Variants in NLRP5 observed in about 807,000 individuals in gnomAD.
NLRP5 encodes the protein NACHT, LRR and PYD domains-containing protein 5.
A neutral mutation model predicts 113.1 loss-of-function variants in NLRP5; 93 were observed. The observed-to-expected ratio is 0.82, with a 90% CI of 0.70 to 0.98. The LOEUF is 0.98. Among genes scored for constraint, NLRP5 ranks in the 50% least tolerant of loss-of-function variants. NLRP5 has a pLI of 0.00. For missense variants in NLRP5, 1,808 were observed against 1,514.3 expected, an observed-to-expected ratio of 1.19 and a Z score of -3.22; for synonymous variants, 751 against 600.7, an observed-to-expected ratio of 1.25 and a Z score of -3.66.
Position 56,027,557 on chromosome 19 carries a change from C to T in NLRP5, c.1324C>T (p.Leu442Phe). The change falls in exon 7 of 15, where the codon CTT (leucine) becomes TTT (phenylalanine). Residue 442 changes from leucine (L) to phenylalanine (F), a missense_variant. Physicochemically the swap from Leu to Phe is conservative, Grantham distance 22. Transcript: ENST00000390649. ...CGGGGAACAAAGAATCCACTTGCTC[C>T]TTGAGCGCGGGATTGGTGAGCATCA... 1.2e-6 allele frequency: 2 copies of T among 1,613,998 alleles called. No homozygotes were observed. The highest frequency in any genetic ancestry group is 1.7e-6 in the Non-Finnish European group (2 of 1,179,894).
chr19:56,009,808 C>T (rs1028544946), intron 3 of NLRP5, among the ~76,000 whole-genome samples: 40 of 152,250 alleles, frequency 2.6e-4, no homozygotes, highest in African/African-American at 8.2e-4. Context: ...AAGCCAACCT[C>T]GTTTTGATGG....
At chr19:55,989,130 T>C in the NLRP5 span, among the ~76,000 whole-genome samples, 1 of 152,318 alleles carries the variant, frequency 6.6e-6, no homozygotes, top group East Asian at 1.9e-4. Flanking sequence ...GTGTACCTAG[T>C]TTTTTGGTCT....
In NLRP5 at chr19:56,020,414, C is replaced by T. The variant is rs1982570714; in HGVS notation, c.662C>T (p.Ala221Val). 1 of 1,613,512 alleles carries T rather than the reference C, an allele frequency of 6.2e-7. No individual in the cohort carries two copies. Among genetic ancestry groups the T allele is most frequent in the Non-Finnish European group, 8.5e-7 (1 of 1,179,792 alleles). The change falls in exon 6 of 15, where the codon GCA becomes GTA. Residue 221 changes from alanine (A) to valine (V), a missense_variant. Physicochemically the swap from Ala to Val is moderately conservative, Grantham distance 64. Transcript: ENST00000390649. ...ATGGAACAAGAAGGTGCCACAGCAG[C>T]AGAGACAGAAGAACAAGGTGAGGAA...
intron 11 of NLRP5, among the ~76,000 whole-genome samples, chr19:56,044,904 C>A (rs897368222): frequency 4.6e-5 from 7 of 152,094 alleles, no homozygotes; most frequent in African/African-American, 1.7e-4. Context: ...TGTAGTTTTC[C>A]TTGTAGAGGT....
chr19:56,005,374 T>C (rs897075703), intron 2 of NLRP5, among the ~76,000 whole-genome samples: 7 of 147,870 alleles, frequency 4.7e-5, no homozygotes, highest in Middle Eastern at 3.6e-3. Flanking sequence ...TACACACATA[T>C]ATATTTATAT....
chr19:56,016,118 C>G (rs1387021510), intron 4 of NLRP5, among the ~76,000 whole-genome samples: 1 of 152,174 alleles, frequency 6.6e-6, no homozygotes, highest in Non-Finnish European at 1.5e-5. Context: ...TATCCATCAC[C>G]TCAAATATTC....
chr19:56,036,705 C>T (rs1319297073), intron 9 of NLRP5, among the ~76,000 whole-genome samples: 1 of 152,126 alleles, frequency 6.6e-6, no homozygotes, highest in Non-Finnish European at 1.5e-5. Flanking sequence ...GCCTGTCATC[C>T]CAGAACTCTG....
At chr19:56,040,800 T>C (rs986868011) in intron 10 of NLRP5, 122 bp from the exon 11 acceptor site, 1 of 762,156 alleles carries the variant, frequency 1.3e-6, no homozygotes, top group Non-Finnish European at 2.1e-6. Context: ...GACTTCACCA[T>C]ATGTCTGCAA....
At chr19:56,029,114 G>T (rs1291559147) in intron 7 of NLRP5, among the ~76,000 whole-genome samples, 1 of 152,002 alleles carries the variant, frequency 6.6e-6, no homozygotes, top group East Asian at 1.9e-4. Context: ...GGTGTCCAGG[G>T]CCGTGCTGTC....
At chr19:56,036,150 A>C (rs1332428173) in intron 9 of NLRP5, among the ~76,000 whole-genome samples, 5 of 126,642 alleles carry the variant, frequency 3.9e-5, no homozygotes, top group Non-Finnish European at 6.3e-5. Flanking sequence ...TGCAAGCCCC[A>C]CCTCCTGGGT....
intron 8 of NLRP5, 107 bp downstream of exon 8, chr19:56,032,888 G>T: frequency 9.0e-7 from 1 of 1,112,950 alleles, no homozygotes; most frequent in East Asian, 2.4e-5. Context: ...CAGCCTGAGG[G>T]CATAAGTGCC....
At chr19:56,016,005 GTTT>G (rs947482962) in intron 4 of NLRP5, among the ~76,000 whole-genome samples, 8 of 152,060 alleles carry the variant, frequency 5.3e-5, no homozygotes, top group Admixed American at 2.6e-4. Flanking sequence ...TTTCACTACA[GTTT>G]TTTATTTTTA....
In NLRP5 at chr19:56,050,435, T is replaced by C. The variant is rs778772033; in HGVS notation, c.2975T>C (p.Leu992Pro). 6.2e-7 allele frequency: 1 copy of C among 1,613,760 alleles called. No individual in the cohort carries two copies. The highest frequency in any genetic ancestry group is 1.7e-5 in the Admixed American group (1 of 60,010). ...CCCCACAGGCTGAATCAGTGCCACC[T>C]GGACACGGCTGGCTGTGGTTTTCTT... is the stretch of plus-strand genomic sequence containing the variant. The change falls in exon 12 of 15, where the codon CTG (leucine) becomes CCG (proline). Residue 992 changes from leucine to proline, a missense_variant. Leu to Pro is a moderately conservative substitution (Grantham distance 98). Coordinates refer to ENST00000390649, the MANE Select transcript of NLRP5 (RefSeq NM_153447.4).
At chr19:56,048,026 T>G (rs1983791807) in intron 11 of NLRP5, among the ~76,000 whole-genome samples, 1 of 152,356 alleles carries the variant, frequency 6.6e-6, no homozygotes, top group Admixed American at 6.5e-5. Flanking sequence ...TTTCATCTGA[T>G]CTAAGAATAG....
intron 9 of NLRP5, among the ~76,000 whole-genome samples, chr19:56,035,542 C>T (rs150486540): frequency 8.5e-5 from 13 of 152,250 alleles, no homozygotes; most frequent in South Asian, 2.1e-4. Context: ...TAGACATTGT[C>T]GGAAAAGATG....
Position 56,027,868 on chromosome 19 carries a change from G to A in NLRP5, c.1635G>A (p.Val545=), listed in dbSNP as rs1454532550. The A allele has an allele frequency of 5.0e-6, 8 of 1,613,826 alleles. No individual in the cohort carries two copies. In the Admixed American group the frequency reaches 1.0e-4, roughly 20 times the overall value. ...AGGGAGTGTGGAATAGGAAGTCAGTGTTTGACGGTGACGACCTCATGGTTC... is the reference window on the plus strand; with the variant it reads ...AGGGAGTGTGGAATAGGAAGTCAGTATTTGACGGTGACGACCTCATGGTTC... Residue 545 remains valine, a synonymous_variant, in exon 7 of 15, where the codon GTG becomes GTA. Coordinates refer to ENST00000390649, the MANE Select transcript of NLRP5 (RefSeq NM_153447.4).
Position 56,033,836 on chromosome 19 carries a change from C to T in NLRP5, c.2615+127C>T, listed in dbSNP as rs191312136. On this transcript the variant is annotated intron_variant, in intron 9 of 14. Coordinates refer to ENST00000390649, the MANE Select transcript of NLRP5 (RefSeq NM_153447.4). Reference sequence around the variant, plus strand: ...AAGTTTTGGTGATGGATGGTGGTGACGATTGCAGGAGTTGAGTGCCACTGA... The same window carrying T: ...AAGTTTTGGTGATGGATGGTGGTGATGATTGCAGGAGTTGAGTGCCACTGA... 77 of 752,914 alleles carry T rather than the reference C, an allele frequency of 1.0e-4. No individual in the cohort carries two copies. The East Asian group carries it at 1.4e-3, about 13-fold the overall frequency. The allele number at this position is 752,914 out of a possible 1,614,324, so 46.6% of individuals were successfully genotyped here.
chr19:55,997,091 G>C (rs1188187361), upstream of NLRP5, among the ~76,000 whole-genome samples: 2 of 152,188 alleles, frequency 1.3e-5, no homozygotes, highest in Non-Finnish European at 2.9e-5. Context: ...GGCCAGTGAT[G>C]ATGAGCATTT....
chr19:55,987,427 A>C, the NLRP5 span, among the ~76,000 whole-genome samples: 57,699 of 152,078 alleles, frequency 0.38, 11,190 homozygotes, highest in African/African-American at 0.41. Context: ...GGATTAGCTA[A>C]TGTCTGGTCT....
Sources: allele counts gnomAD v4.1 joint callset (sites outside exome capture counted in the v4.1 genomes callset), GRCh38; gene constraint gnomAD v4.1.1; transcripts MANE v1.5; gene names NCBI Gene and HGNC (gene_info 2026-07-23, HGNC 2026-07-21).